Variants in LMF1 observed in about 807,000 individuals in gnomAD.
The protein encoded by LMF1 is lipase maturation factor 1, also known as transmembrane protein 112.
LMF1 carries 68 observed loss-of-function variants against 60.6 expected under a neutral mutation model. That is an observed-to-expected ratio of 1.12 (90% CI 0.92 to 1.37). The LOEUF is 1.37. Ranked by LOEUF, LMF1 falls within the 40% of genes most tolerant of loss-of-function variation. The pLI, the probability that LMF1 is intolerant of heterozygous loss-of-function variation, is 0.00. For synonymous variants in LMF1, 418 were observed against 324.7 expected, an observed-to-expected ratio of 1.29 and a Z score of -3.09; for missense variants, 948 against 767.2, an observed-to-expected ratio of 1.24 and a Z score of -2.78.
At chr16:896,361 G>C (rs1449488846) in intron 4 of LMF1, among the ~76,000 whole-genome samples, 2 of 152,254 alleles carry the variant, frequency 1.3e-5, no homozygotes, top group African/African-American at 2.4e-5. Context: ...GGGTCTTGCT[G>C]TACGTCCCTG....
chr16:926,250 GTC>G (rs1473669602), intron 3 of LMF1, among the ~76,000 whole-genome samples: 7 of 152,138 alleles, frequency 4.6e-5, no homozygotes, highest in African/African-American at 1.7e-4. Flanking sequence ...GCATACGTAT[GTC>G]TGTGTGTGCA....
chr16:914,287 C>A (rs2071207178), intron 3 of LMF1, among the ~76,000 whole-genome samples: 1 of 152,126 alleles, frequency 6.6e-6, no homozygotes, highest in Admixed American at 6.5e-5. Flanking sequence ...TCAGTACAAA[C>A]CCTTCCAGCA....
chr16:877,082 G>A (rs568724326), intron 6 of LMF1, among the ~76,000 whole-genome samples: 7 of 151,398 alleles, frequency 4.6e-5, no homozygotes, highest in Non-Finnish European at 1.0e-4. Flanking sequence ...CTGCAGTCAC[G>A]GCACTTTAGG....
intron 4 of LMF1, among the ~76,000 whole-genome samples, chr16:894,906 G>A (rs907112213): frequency 3.9e-5 from 6 of 152,216 alleles, no homozygotes; most frequent in Admixed American, 6.5e-5. Flanking sequence ...TGTTCACAGC[G>A]GAGGCCAGCC....
intron 6 of LMF1, among the ~76,000 whole-genome samples, chr16:875,400 G>A (rs761120629): frequency 9.2e-5 from 14 of 152,088 alleles, no homozygotes; most frequent in African/African-American, 1.4e-4. Context: ...AGGTTCCTGC[G>A]TTCTGAATAA....
chr16:946,327 G>A (rs1005358079), intron 2 of LMF1, among the ~76,000 whole-genome samples: 54 of 152,336 alleles, frequency 3.5e-4, no homozygotes, highest in African/African-American at 1.3e-3. Context: ...CTGTATTGTT[G>A]CAAATCCCAG....
At chr16:888,879 G>A (rs1596913836) in intron 5 of LMF1, among the ~76,000 whole-genome samples, 1 of 152,346 alleles carries the variant, frequency 6.6e-6, no homozygotes, top group East Asian at 1.9e-4. Context: ...TCAGGCAGCA[G>A]CCATGAGGCA....
intron 5 of LMF1, among the ~76,000 whole-genome samples, chr16:887,869 A>C (rs1023754635): frequency 6.6e-6 from 1 of 152,164 alleles, no homozygotes; most frequent in Non-Finnish European, 1.5e-5. Flanking sequence ...GGGAGCCCAG[A>C]GACGCACCCC....
At chr16:934,382 G>C in intron 2 of LMF1, 128 bp from the exon 3 acceptor site, 1 of 1,184,324 alleles carries the variant, frequency 8.4e-7, no homozygotes, top group Non-Finnish European at 1.2e-6. Context: ...GCCCTGCGAG[G>C]AGGACCTGCC....
At chr16:941,575 G>A (rs2072101915) in intron 2 of LMF1, among the ~76,000 whole-genome samples, 2 of 152,178 alleles carry the variant, frequency 1.3e-5, no homozygotes, top group Admixed American at 6.5e-5. Context: ...TACATTTAAT[G>A]TAATCATTGA....
chr16:931,171 C>T (rs1235114546), intron 3 of LMF1, among the ~76,000 whole-genome samples: 2 of 152,098 alleles, frequency 1.3e-5, no homozygotes, highest in Admixed American at 6.5e-5. Context: ...CAGCTACATG[C>T]GGCCACGGAG....
At chr16:934,215 A>G in intron 3 of LMF1, 29 bp downstream of exon 3, 1 of 1,599,372 alleles carries the variant, frequency 6.3e-7, no homozygotes, top group Non-Finnish European at 8.5e-7. Context: ...CAACTCTCGC[A>G]GAGCTTTCTC....
At chr16:888,952 A>G (rs1042861553) in intron 5 of LMF1, among the ~76,000 whole-genome samples, 2 of 152,098 alleles carry the variant, frequency 1.3e-5, no homozygotes, top group African/African-American at 2.4e-5. Context: ...TGGCCCTGGG[A>G]TCCTGGGGGT....
upstream of LMF1, among the ~76,000 whole-genome samples, chr16:975,531 C>A (rs1339017769): frequency 6.6e-6 from 1 of 152,210 alleles, no homozygotes; most frequent in Non-Finnish European, 1.5e-5. Flanking sequence ...GCGGTGCTGT[C>A]CATGCCCAGG....
intron 2 of LMF1, among the ~76,000 whole-genome samples, chr16:942,273 T>C (rs1371411344): frequency 6.6e-6 from 1 of 152,248 alleles, no homozygotes; most frequent in Non-Finnish European, 1.5e-5. Flanking sequence ...GCCAGACATA[T>C]TTGAATCTTT....
rs975349448 is a variant in LMF1, at chr16:857,244, C to G, written c.1530-2538G>C. 1.8e-4 allele frequency among the ~76,000 whole-genome samples: 28 copies of G among 152,352 alleles called. 2 individuals carry two copies. The South Asian group carries it at 5.6e-3, about 30-fold the overall frequency. ...ACCTCTGCACGGGTTTCTGCGTGAA[C>G]CTGGGTTTCAACTCTCTGGCTTAAA... On this transcript the variant is annotated intron_variant, in intron 10 of 10. Transcript: ENST00000262301.
chr16:947,510 C>T, intron 2 of LMF1: 1 of 456,112 alleles, frequency 2.2e-6, no homozygotes, highest in Non-Finnish European at 4.4e-6. Flanking sequence ...AGCCCTGGCG[C>T]TGCTCTCAGT....
chr16:978,334 C>T (rs570489918), intron 1 of LMF1, among the ~76,000 whole-genome samples: 1 of 144,772 alleles, frequency 6.9e-6, no homozygotes, highest in African/African-American at 2.6e-5. Context: ...TCACACATTA[C>T]ATACCATACA....
intron 5 of LMF1, among the ~76,000 whole-genome samples, chr16:889,556 C>G (rs1023169565): frequency 1.3e-5 from 2 of 152,140 alleles, no homozygotes; most frequent in African/African-American, 4.8e-5. Flanking sequence ...GGTTTTCAGG[C>G]TCCTGAAGAG....
Sources: gnomAD v4.1 joint callset for allele counts (sites outside exome capture counted in the v4.1 genomes callset) on GRCh38, gnomAD v4.1.1 for gene constraint, MANE v1.5 for transcripts, NCBI Gene and HGNC (gene_info 2026-07-23, HGNC 2026-07-21) for gene names.